Variants in PXDC1 observed in about 807,000 individuals in gnomAD.
PXDC1 encodes PX domain containing 1.
A neutral mutation model predicts 24.4 loss-of-function variants in PXDC1; 13 were observed. The observed-to-expected ratio is 0.53, with a 90% CI of 0.35 to 0.85. The LOEUF is 0.85. Ranked by LOEUF, PXDC1 falls within the 40% of genes least tolerant of loss-of-function variation. The probability of loss-of-function intolerance (pLI) is 0.01; values close to 1 mark genes in which losing one functional copy is unlikely to be tolerated. For missense variants in PXDC1, 344 were observed against 309.3 expected (o/e 1.11, Z -0.84); for synonymous variants, 162 against 124.9 (o/e 1.30, Z -1.98).
At position 3,738,537 on chromosome 6, in the gene PXDC1, C is replaced by A. The variant is rs564577758; in HGVS notation, c.257-389G>T. Among the ~76,000 whole-genome samples, 6 of 152,330 alleles carry A rather than the reference C, an allele frequency of 3.9e-5. No homozygotes were observed. The East Asian group carries it at 9.6e-4, about 24-fold the overall frequency. On this transcript the variant is annotated intron_variant, in intron 1 of 4. Transcript: ENST00000380283. The stretch of plus-strand genomic sequence containing the variant: ...GTCAGGGGTGCTGGCCCAGGACCAG[C>A]CCACCCCCAGTGACACAGGGAAGGA...
At chr6:3,749,315 C>T (rs1760644577) in intron 1 of PXDC1, among the ~76,000 whole-genome samples, 1 of 151,768 alleles carries the variant, frequency 6.6e-6, no homozygotes, top group African/African-American at 2.4e-5. Flanking sequence ...CGCCCACCAG[C>T]CCTGCCACCA....
intron 1 of PXDC1, among the ~76,000 whole-genome samples, chr6:3,747,541 C>A (rs1760598824): frequency 6.6e-6 from 1 of 152,176 alleles, no homozygotes; most frequent in Non-Finnish European, 1.5e-5. Flanking sequence ...ACATGCCAGC[C>A]TCAGGGCCTT....
Position 3,734,571 on chromosome 6 carries a change from AG to A in PXDC1, c.466+2507del, listed in dbSNP as rs373122474. On this transcript the variant is annotated intron_variant, in intron 3 of 4. Transcript: ENST00000380283. ...CTGAGATGAGGATCCATAGACACCC[AG>A]CCAGGAAAAAGGACCCAGTCATCCT... Among the ~76,000 whole-genome samples, 101 of 152,184 alleles carry A rather than the reference AG, an allele frequency of 6.6e-4. 2 individuals carry two copies. In the South Asian group the frequency reaches 0.021, roughly 31 times the overall value.
chr6:3,736,291 CT>C (rs1171144425), intron 3 of PXDC1, among the ~76,000 whole-genome samples: 1 of 152,212 alleles, frequency 6.6e-6, no homozygotes, highest in African/African-American at 2.4e-5. Context: ...CACAGGCCCC[CT>C]GCTCTCCTTC....
chr6:3,726,251 C>A (rs1240525794), intron 4 of PXDC1, among the ~76,000 whole-genome samples: 1 of 152,232 alleles, frequency 6.6e-6, no homozygotes, highest in Non-Finnish European at 1.5e-5. Context: ...AGCTAAAGGG[C>A]CTCTTTCTTT....
In PXDC1 at chr6:3,728,539, T is replaced by C. The variant is rs1440034794; in HGVS notation, c.467-877A>G. On this transcript the variant is annotated intron_variant, in intron 3 of 4. Coordinates refer to ENST00000380283, the MANE Select transcript of PXDC1 (RefSeq NM_183373.4). The surrounding 1 kb of genome is among the most constrained non-coding windows in gnomAD (Gnocchi z 4.0). Reference sequence around the variant, plus strand: ...GAAAAACGACTTCCTACGTCCATACTGGCTGCATGGCATGAGCTAGAGGGT... The same window carrying C: ...GAAAAACGACTTCCTACGTCCATACCGGCTGCATGGCATGAGCTAGAGGGT... Among the ~76,000 whole-genome samples the C allele has an allele frequency of 6.6e-6, 1 of 152,178 alleles. No homozygotes were observed. Among genetic ancestry groups the C allele is most frequent in the Non-Finnish European group, 1.5e-5 (1 of 68,026 alleles).
In PXDC1 at chr6:3,738,118, A is replaced by G; in HGVS notation, c.287T>C (p.Ile96Thr). The G allele has an allele frequency of 6.2e-7, 1 of 1,614,064 alleles. No individual in the cohort carries two copies. Among genetic ancestry groups the G allele is most frequent in the East Asian group, 2.2e-5 (1 of 44,864 alleles). ...CTCCACCTCATTAAGCCTGGTCTCTATGTCGTGGGCTTCCTTTATGGCAAC... is the reference window on the plus strand; with the variant it reads ...CTCCACCTCATTAAGCCTGGTCTCTGTGTCGTGGGCTTCCTTTATGGCAAC... ...GLVAIKEAHDIETRLNEVEKL... is the reference protein window; with the variant it reads ...GLVAIKEAHDTETRLNEVEKL... Residue 96 changes from isoleucine to threonine, a missense_variant, in exon 2 of 5, where the codon ATA becomes ACA. Transcript: ENST00000380283.
chr6:3,744,518 G>A (rs1041634948), intron 1 of PXDC1, among the ~76,000 whole-genome samples: 7 of 152,186 alleles, frequency 4.6e-5, no homozygotes, highest in African/African-American at 1.7e-4. Context: ...AGGGGTTGGG[G>A]AAAGAGGGAG....
intron 1 of PXDC1, chr6:3,738,683 C>G (rs1179389271): frequency 2.2e-6 from 2 of 916,828 alleles, no homozygotes; most frequent in African/African-American, 1.7e-5. Flanking sequence ...CTGGACAAAA[C>G]CAAAGTGGAC....
In PXDC1 at chr6:3,722,838, A is replaced by C. The variant is rs1320952985; in HGVS notation, c.*781T>G. 6.6e-6 allele frequency: 1 copy of C among 152,516 alleles called. No individual in the cohort carries two copies. The highest frequency in any genetic ancestry group is 1.5e-5 in the Non-Finnish European group (1 of 68,024). The allele number at this position is 152,516 out of a possible 1,614,324, so 9.4% of individuals were successfully genotyped here. ...TCAAGTTCATTATGGCAGCTCTGTC[A>C]ATGAGCACCCCAGGGTGGTGTGGCC... On this transcript the variant is annotated 3_prime_UTR_variant, in exon 5 of 5. Coordinates refer to ENST00000380283, the MANE Select transcript of PXDC1 (RefSeq NM_183373.4).
intron 4 of PXDC1, among the ~76,000 whole-genome samples, chr6:3,726,232 C>A (rs1760062412): frequency 6.6e-6 from 1 of 152,212 alleles, no homozygotes; most frequent in African/African-American, 2.4e-5. Flanking sequence ...CCAGTAACTA[C>A]CCCTGCCAAG....
At chr6:3,732,979 G>A (rs1357994279) in intron 3 of PXDC1, among the ~76,000 whole-genome samples, 1 of 152,244 alleles carries the variant, frequency 6.6e-6, no homozygotes, top group Non-Finnish European at 1.5e-5. Flanking sequence ...ACCCTGCAGG[G>A]CCACAGTCCA....
At chr6:3,750,512 C>T (rs1760679383) in intron 1 of PXDC1, among the ~76,000 whole-genome samples, 1 of 152,192 alleles carries the variant, frequency 6.6e-6, no homozygotes, top group Non-Finnish European at 1.5e-5. Context: ...CTCTTGCGTC[C>T]TCCCGGCTTC....
At chr6:3,736,891 A>C (rs1225002289) in intron 3 of PXDC1, among the ~76,000 whole-genome samples, 188 bp downstream of exon 3, 1 of 152,232 alleles carries the variant, frequency 6.6e-6, no homozygotes, top group Non-Finnish European at 1.5e-5. Context: ...AGCAGGAGTG[A>C]AAACCACAGG....
At chr6:3,730,708 C>T (rs1354050613) in intron 3 of PXDC1, among the ~76,000 whole-genome samples, 1 of 152,314 alleles carries the variant, frequency 6.6e-6, no homozygotes, top group East Asian at 1.9e-4. Context: ...GAACTTGTAC[C>T]TTCAGGCAAA....
intron 1 of PXDC1, chr6:3,738,854 C>T (rs568292910): frequency 5.4e-6 from 7 of 1,303,278 alleles, no homozygotes; most frequent in Non-Finnish European, 7.1e-6. Flanking sequence ...AAGCGCAGAG[C>T]AGAAGTCTTC....
chr6:3,739,221 AG>A (rs1760400941), intron 1 of PXDC1: 1 of 925,720 alleles, frequency 1.1e-6, no homozygotes, highest in Non-Finnish European at 1.4e-6. Context: ...GAGGTCCCAG[AG>A]CATACAGTCC....
intron 1 of PXDC1, among the ~76,000 whole-genome samples, chr6:3,745,822 C>T (rs977696129): frequency 1.3e-5 from 2 of 152,220 alleles, no homozygotes; most frequent in African/African-American, 4.8e-5. Context: ...CCTCTGCACC[C>T]GCTGTCCACC....
rs966626002 is a variant in PXDC1 at position 3,723,726 on chromosome 6, C to T, written c.589G>A (p.Gly197Ser). The T allele has an allele frequency of 6.2e-7, 1 of 1,614,052 alleles. No homozygotes were observed. The change falls in exon 5 of 5, where the codon GGC becomes AGC. Residue 197 changes from glycine to serine, a missense_variant. Transcript: ENST00000380283. Reference protein sequence around the residue: ...VDPTEHLFENGSEFPSELEDG... With the variant: ...VDPTEHLFENSSEFPSELEDG... ...TCCAGCTCTGAGGGAAACTCACTGCCATTCTCAAATCTGAAATTAGAGAAA... is the reference window on the plus strand; with the variant it reads ...TCCAGCTCTGAGGGAAACTCACTGCTATTCTCAAATCTGAAATTAGAGAAA...
Sources: allele counts gnomAD v4.1 joint callset (sites outside exome capture counted in the v4.1 genomes callset), GRCh38; gene constraint gnomAD v4.1.1; non-coding constraint Gnocchi (gnomAD v3.1); transcripts MANE v1.5; gene names NCBI Gene and HGNC (gene_info 2026-07-23, HGNC 2026-07-21).